PALM: variants seen among roughly 807,000 people sequenced by gnomAD.
PALM encodes paralemmin-1.
In PALM, 18 loss-of-function variants were observed where a neutral mutation model predicts 30.7. The ratio of observed to expected loss-of-function variants is 0.59; its 90% CI spans 0.41 to 0.87. The LOEUF (loss-of-function observed/expected upper bound fraction) is 0.87. PALM is among the 40% of genes least tolerant of loss of function. The probability of loss-of-function intolerance (pLI) is 0.00; values close to 1 mark genes in which losing one functional copy is unlikely to be tolerated. For synonymous variants in PALM, 286 were observed against 242.8 expected, an observed-to-expected ratio of 1.18 and a Z score of -1.66; for missense variants, 529 against 555.4, an observed-to-expected ratio of 0.95 and a Z score of 0.48.
At chr19:727,484 C>T (rs1164011208) in intron 3 of PALM, 80 bp from the exon 4 acceptor site, 5 of 1,216,600 alleles carry the variant, frequency 4.1e-6, no homozygotes, top group East Asian at 5.1e-5. Context: ...CGACCCTGAT[C>T]CTGACCCTGA....
At chr19:738,249 A>G (rs916252860) in intron 7 of PALM, among the ~76,000 whole-genome samples, 7 of 151,850 alleles carry the variant, frequency 4.6e-5, no homozygotes, top group East Asian at 1.9e-4. Flanking sequence ...AAAATTAGCC[A>G]GGCGTGGTGG....
At chr19:719,959 G>A (rs1310296046) in intron 1 of PALM, among the ~76,000 whole-genome samples, 1 of 152,156 alleles carries the variant, frequency 6.6e-6, no homozygotes, top group Non-Finnish European at 1.5e-5. Flanking sequence ...GACGTGGAGC[G>A]TTCTGTCGGC....
At chr19:726,260 T>A in intron 2 of PALM, 71 bp downstream of exon 2, 1 of 1,320,538 alleles carries the variant, frequency 7.6e-7, no homozygotes, top group Non-Finnish European at 1.1e-6. Flanking sequence ...TCTCGGGCCC[T>A]GGACCTGTCC....
intron 1 of PALM, among the ~76,000 whole-genome samples, chr19:720,148 T>G (rs2032412281): frequency 6.7e-6 from 1 of 148,850 alleles, no homozygotes; most frequent in Non-Finnish European, 1.5e-5. Flanking sequence ...GCCCGAAGCC[T>G]CGGCCCCCCC....
At position 746,739 on chromosome 19, in the gene PALM, G is replaced by C. The variant is rs928273101; in HGVS notation, c.1089G>C (p.Gly363=). The C allele has an allele frequency of 6.2e-7, 1 of 1,601,366 alleles. No homozygotes were observed. The highest frequency in any genetic ancestry group is 1.3e-5 in the African/African-American group (1 of 74,800). The change falls in exon 9 of 9, where the codon GGG becomes GGC. Residue 363 remains glycine, a synonymous_variant. Coordinates refer to ENST00000338448, the MANE Select transcript of PALM (RefSeq NM_002579.3). The surrounding 1 kb of genome is among the most constrained non-coding windows in gnomAD (Gnocchi z 7.1). ...EAASREENQA[G]PEATTSDPQD... ...CCTCCAGGGAAGAGAATCAGGCGGG[G>C]CCCGAGGCCACCACCAGCGACCCCC...
intron 1 of PALM, among the ~76,000 whole-genome samples, chr19:712,327 C>G (rs2032106265): frequency 6.6e-6 from 1 of 152,048 alleles, no homozygotes; most frequent in South Asian, 2.1e-4. Context: ...CTGGCTGACA[C>G]TTGCCTTTTC....
At chr19:718,202 G>T (rs2032331600) in intron 1 of PALM, among the ~76,000 whole-genome samples, 1 of 152,098 alleles carries the variant, frequency 6.6e-6, no homozygotes, top group Non-Finnish European at 1.5e-5. Context: ...AAAAGAAAAA[G>T]ATAAGTAAAG....
chr19:747,224 G>A lies in PALM; in HGVS notation c.*410G>A, dbSNP rs889731651. ...GTGCCTTTCTCTGAGGGGACACCCC[G>A]CCAGAGAGGGCCCCGGGAGCCGGGG... On this transcript the variant is annotated 3_prime_UTR_variant, in exon 9 of 9. Transcript: ENST00000338448. 6.7e-5 allele frequency: 12 copies of A among 178,144 alleles called. No individual in the cohort carries two copies. The highest frequency in any genetic ancestry group is 1.7e-4 in the East Asian group (1 of 5,760). 11.0% of individuals were successfully genotyped at this position (178,144 alleles called of 1,614,324 possible).
At chr19:724,991 C>T (rs903400016) in intron 1 of PALM, among the ~76,000 whole-genome samples, 7 of 151,910 alleles carry the variant, frequency 4.6e-5, no homozygotes, top group African/African-American at 1.7e-4. Flanking sequence ...GCGATCTCGG[C>T]TCACTGCAGC....
intron 4 of PALM, among the ~76,000 whole-genome samples, chr19:730,772 G>A (rs2032844323): frequency 6.6e-6 from 1 of 152,146 alleles, no homozygotes; most frequent in Non-Finnish European, 1.5e-5. Context: ...GGATGAGGCG[G>A]GCAGATCACC....
At chr19:723,792 G>A (rs943568166) in intron 1 of PALM, among the ~76,000 whole-genome samples, 8 of 151,978 alleles carry the variant, frequency 5.3e-5, no homozygotes, top group East Asian at 1.9e-4. Flanking sequence ...GGGTTTTACC[G>A]TCTCTGTTGG....
chr19:729,819 C>G (rs558967126), intron 4 of PALM, among the ~76,000 whole-genome samples: 1 of 152,228 alleles, frequency 6.6e-6, no homozygotes, highest in South Asian at 2.1e-4. Flanking sequence ...CTGGGCTGGA[C>G]GGGATGTTCA....
chr19:711,723 G>A (rs1317397439), intron 1 of PALM, among the ~76,000 whole-genome samples: 2 of 152,290 alleles, frequency 1.3e-5, no homozygotes, highest in East Asian at 1.9e-4. Context: ...AAAACAAGGC[G>A]ATTTGATTTA....
chr19:740,496 C>G lies in PALM; in HGVS notation c.634+13C>G, dbSNP rs370671922. 6 of 1,546,200 alleles carry G rather than the reference C, an allele frequency of 3.9e-6. No individual in the cohort carries two copies. Among genetic ancestry groups the G allele is most frequent in the Non-Finnish European group, 5.2e-6 (6 of 1,143,712 alleles). On this transcript the variant is annotated intron_variant, in intron 8 of 8. Transcript: ENST00000338448. The stretch of plus-strand genomic sequence containing the variant: ...GACGAGACCAAAGGTACGAGCACCC[C>G]GGCCCCTGCCCTCCCTCCACCTGGG...
At chr19:718,664 C>T (rs933891435) in intron 1 of PALM, among the ~76,000 whole-genome samples, 5 of 152,224 alleles carry the variant, frequency 3.3e-5, no homozygotes, top group Admixed American at 6.5e-5. Flanking sequence ...TTAGGGTTCT[C>T]GGTGCCCCAG....
chr19:719,446 C>A (rs950074701), intron 1 of PALM: 1 of 985,312 alleles, frequency 1.0e-6, no homozygotes, highest in African/African-American at 1.7e-5. Flanking sequence ...ATCGCGGGGA[C>A]GGGAGGCCTG....
At chr19:744,884 T>A (rs2033292802) in intron 8 of PALM, among the ~76,000 whole-genome samples, 5 of 89,394 alleles carry the variant, frequency 5.6e-5, no homozygotes, top group Admixed American at 1.3e-4. Flanking sequence ...ACAGAGGGAG[T>A]CAAAAAAAAA....
intron 7 of PALM, among the ~76,000 whole-genome samples, chr19:737,383 G>A (rs2033054428): frequency 6.6e-6 from 1 of 152,254 alleles, no homozygotes; most frequent in Non-Finnish European, 1.5e-5. Context: ...AGGCTGTGCA[G>A]AGCTATAGAG....
Position 709,254 on chromosome 19 carries a change from C to A in PALM, c.5+103C>A. 3.6e-6 allele frequency: 1 copy of A among 275,720 alleles called. No homozygotes were observed. The highest frequency in any genetic ancestry group is 6.8e-6 in the Non-Finnish European group (1 of 146,728). 17.1% of individuals were successfully genotyped at this position (275,720 alleles called of 1,614,324 possible). On this transcript the variant is annotated intron_variant, in intron 1 of 8. Transcript: ENST00000338448. The surrounding 1 kb of genome is among the most constrained non-coding windows in gnomAD (Gnocchi z 4.3). ...GCGCCCCATTGGGGGCGTCGCTGCC[C>A]CCGCGAGGAGCAGGAGGCGGCGCGG...
Sources: allele counts gnomAD v4.1 joint callset (sites outside exome capture counted in the v4.1 genomes callset), GRCh38; gene constraint gnomAD v4.1.1; non-coding constraint Gnocchi (gnomAD v3.1); transcripts MANE v1.5; gene names NCBI Gene and HGNC (gene_info 2026-07-23, HGNC 2026-07-21).